Variants in CNTNAP2 observed in about 807,000 individuals in gnomAD.
The protein encoded by CNTNAP2 is contactin associated protein 2.
CNTNAP2 carries 98 observed loss-of-function variants against 155.2 expected under a neutral mutation model. That is an observed-to-expected ratio of 0.63 (90% CI 0.54 to 0.75). CNTNAP2 has a LOEUF of 0.75. Among genes scored for constraint, CNTNAP2 ranks in the 30% least tolerant of loss-of-function variants. The pLI is 0.00. For synonymous variants in CNTNAP2, 651 were observed against 631.2 expected (o/e 1.03, Z -0.47); for missense variants, 1,727 against 1,688.1 (o/e 1.02, Z -0.40).
chr7:147,695,676 C>T (rs150560146), intron 13 of CNTNAP2, among the ~76,000 whole-genome samples: 2,504 of 152,132 alleles, frequency 0.016, 223 homozygotes, highest in Admixed American at 0.15. Context: ...GTGGTGCATG[C>T]CTGTAATCCC....
chr7:146,534,454 T>A (rs1277705587), intron 1 of CNTNAP2, among the ~76,000 whole-genome samples: 1 of 152,104 alleles, frequency 6.6e-6, no homozygotes, highest in African/African-American at 2.4e-5. Flanking sequence ...CGTTTATCAA[T>A]TGCAAATGTA....
Position 146,813,866 on chromosome 7 carries a change from G to C in CNTNAP2, c.209-25845G>C, listed in dbSNP as rs529841109. ...TGGGGATGGTTACCTGCACACTGCT[G>C]TTCTTATGGTAGTGAGTGAGTTCTC... On this transcript the variant is annotated intron_variant, in intron 2 of 23. Transcript: ENST00000361727. Among the ~76,000 whole-genome samples the C allele has an allele frequency of 8.7e-4, 133 of 152,210 alleles. 1 individual carries two copies. The highest frequency in any genetic ancestry group is 3.1e-3 in the African/African-American group (128 of 41,546).
At chr7:146,532,057 G>A (rs73741734) in intron 1 of CNTNAP2, among the ~76,000 whole-genome samples, 1,568 of 151,594 alleles carry the variant, frequency 0.01, 23 homozygotes, top group Middle Eastern at 0.062. Flanking sequence ...ATAAAGAGCT[G>A]GAACTAGGGA....
At chr7:147,434,188 A>G (rs1468100343) in intron 10 of CNTNAP2, among the ~76,000 whole-genome samples, 3 of 152,214 alleles carry the variant, frequency 2.0e-5, no homozygotes, top group African/African-American at 4.8e-5. Flanking sequence ...TAATAGTTGT[A>G]GTATTCTGTA....
intron 21 of CNTNAP2, among the ~76,000 whole-genome samples, chr7:148,337,679 A>G (rs778604941): frequency 3.9e-5 from 6 of 152,188 alleles, no homozygotes; most frequent in Non-Finnish European, 7.3e-5. Context: ...ACCACTGTGG[A>G]GAGTGAAAAA....
intron 1 of CNTNAP2, among the ~76,000 whole-genome samples, chr7:146,436,338 G>A (rs1413627508): frequency 6.6e-6 from 1 of 152,116 alleles, no homozygotes; most frequent in South Asian, 2.1e-4. Flanking sequence ...CTATTAGCAG[G>A]CATGTTGATG....
chr7:147,628,762 A>C (rs190841775), intron 12 of CNTNAP2, among the ~76,000 whole-genome samples: 6 of 152,154 alleles, frequency 3.9e-5, no homozygotes, highest in Admixed American at 3.3e-4. Flanking sequence ...ACATAAACTT[A>C]AGGTAAAGGG....
Position 146,625,666 on chromosome 7 carries a change from G to A in CNTNAP2, c.98-148605G>A, listed in dbSNP as rs566383797. Among the ~76,000 whole-genome samples, 107 of 152,134 alleles carry A rather than the reference G, an allele frequency of 7.0e-4. No homozygotes were observed. In the South Asian group the frequency reaches 0.013, roughly 18 times the overall value. On this transcript the variant is annotated intron_variant, in intron 1 of 23. Coordinates refer to ENST00000361727, the MANE Select transcript of CNTNAP2 (RefSeq NM_014141.6). ...AAAGAAAAGACTGGCAAAGACATATGAGGACACAAATATTCCAAACAATTA... is the reference window on the plus strand; with the variant it reads ...AAAGAAAAGACTGGCAAAGACATATAAGGACACAAATATTCCAAACAATTA...
chr7:148,254,316 T>G (rs572518182), intron 20 of CNTNAP2, among the ~76,000 whole-genome samples: 8 of 152,190 alleles, frequency 5.3e-5, no homozygotes, highest in Admixed American at 3.9e-4. Context: ...AGCCAGGAAT[T>G]CACCAGGAAC....
intron 11 of CNTNAP2, among the ~76,000 whole-genome samples, chr7:147,488,092 G>C (rs1798541562): frequency 6.6e-6 from 1 of 152,144 alleles, no homozygotes; most frequent in Non-Finnish European, 1.5e-5. Flanking sequence ...CTTATTGAAG[G>C]CCATTTGCCT....
At chr7:147,959,895 C>G (rs1265135484) in intron 14 of CNTNAP2, among the ~76,000 whole-genome samples, 1 of 152,126 alleles carries the variant, frequency 6.6e-6, no homozygotes. Context: ...TCACTTAATT[C>G]AGTTTTTTGT....
At chr7:148,229,408 C>T (rs1010544923) in intron 19 of CNTNAP2, among the ~76,000 whole-genome samples, 4 of 152,192 alleles carry the variant, frequency 2.6e-5, no homozygotes, top group African/African-American at 7.2e-5. Flanking sequence ...GCCTGTAATG[C>T]CAGCTACTCA....
chr7:148,077,535 A>G (rs1803512412), intron 15 of CNTNAP2, among the ~76,000 whole-genome samples: 1 of 152,182 alleles, frequency 6.6e-6, no homozygotes, highest in South Asian at 2.1e-4. Flanking sequence ...TTCCCATTTC[A>G]AGAAACCCTG....
intron 1 of CNTNAP2, among the ~76,000 whole-genome samples, chr7:146,496,972 A>G (rs1312566296): frequency 1.3e-5 from 2 of 152,216 alleles, no homozygotes; most frequent in African/African-American, 4.8e-5. Context: ...TCCCATTGGA[A>G]TTGTGGAGTG....
chr7:147,133,478 T>C (rs1385917908), intron 8 of CNTNAP2, among the ~76,000 whole-genome samples: 1 of 152,006 alleles, frequency 6.6e-6, no homozygotes, highest in Non-Finnish European at 1.5e-5. Context: ...TGGCACCCTA[T>C]GCATATACCT....
chr7:146,323,035 T>A (rs1298458239), intron 1 of CNTNAP2, among the ~76,000 whole-genome samples: 1 of 152,058 alleles, frequency 6.6e-6, no homozygotes, highest in Non-Finnish European at 1.5e-5. Context: ...TAATTAAATG[T>A]CTTATTTCTA....
intron 13 of CNTNAP2, among the ~76,000 whole-genome samples, chr7:147,897,851 G>A (rs1290327252): frequency 1.3e-5 from 2 of 152,176 alleles, no homozygotes; most frequent in Non-Finnish European, 2.9e-5. Flanking sequence ...AGAGAAGCTG[G>A]ATGCTTTACC....
intron 3 of CNTNAP2, among the ~76,000 whole-genome samples, chr7:146,856,819 G>T (rs1794999611): frequency 6.6e-6 from 1 of 152,098 alleles, no homozygotes; most frequent in Non-Finnish European, 1.5e-5. Context: ...TATGAGGAAT[G>T]TTCTACTAAA....
chr7:148,187,901 C>CTTTTTAATAAA (rs1795145173), intron 18 of CNTNAP2, among the ~76,000 whole-genome samples: 1 of 151,980 alleles, frequency 6.6e-6, no homozygotes, highest in African/African-American at 2.4e-5. Context: ...TAATAAAAAT[C>CTTTTTAATAAA]AACCATATGA....
Sources: gnomAD v4.1 joint callset for allele counts (sites outside exome capture counted in the v4.1 genomes callset) on GRCh38, gnomAD v4.1.1 for gene constraint, MANE v1.5 for transcripts, NCBI Gene and HGNC (gene_info 2026-07-23, HGNC 2026-07-21) for gene names.